TARBP1: variants seen among roughly 807,000 people sequenced by gnomAD.
TARBP1 encodes tRNA (guanosine(18)-2'-O)-methyltransferase TARBP1.
In TARBP1, 144 loss-of-function variants were observed where a neutral mutation model predicts 178.6. The observed-to-expected ratio is 0.81, with a 90% confidence interval of 0.70 to 0.93. The LOEUF is 0.93. Among genes scored for constraint, TARBP1 ranks in the 40% least tolerant of loss-of-function variants. TARBP1 has a pLI of 0.00. For synonymous variants in TARBP1, 787 were observed against 781.0 expected (o/e 1.01, Z -0.13); for missense variants, 2,067 against 2,011.7 (o/e 1.03, Z -0.53).
intron 23 of TARBP1, 121 bp from the exon 24 acceptor site, chr1:234,406,220 C>T (rs1661225545): frequency 1.1e-6 from 1 of 877,502 alleles, no homozygotes; most frequent in Non-Finnish European, 1.7e-6. Context: ...CTTCCACTGG[C>T]TTTGCTACCA....
chr1:234,461,764 C>A (rs72765619), intron 6 of TARBP1, among the ~76,000 whole-genome samples: 1 of 152,094 alleles, frequency 6.6e-6, no homozygotes, highest in South Asian at 2.1e-4. Context: ...GATTTAATTA[C>A]GATTATTTAT....
chr1:234,460,219 C>G, intron 7 of TARBP1, 42 bp downstream of exon 7: 2 of 1,562,356 alleles, frequency 1.3e-6, no homozygotes, highest in Non-Finnish European at 1.7e-6. Flanking sequence ...GATGGAAAGT[C>G]ATGGCAAATA....
chr1:234,449,419 T>G (rs1666514587), intron 10 of TARBP1, among the ~76,000 whole-genome samples: 1 of 152,188 alleles, frequency 6.6e-6, no homozygotes, highest in South Asian at 2.1e-4. Context: ...ATTCTAGTAT[T>G]TCAGCTGAGA....
intron 26 of TARBP1, among the ~76,000 whole-genome samples, chr1:234,394,146 A>G (rs930765132): frequency 2.6e-5 from 4 of 152,206 alleles, no homozygotes; most frequent in Admixed American, 2.0e-4. Context: ...TAGAATCCAG[A>G]GTATCATAGT....
chr1:234,478,376 TC>T lies in TARBP1; in HGVS notation c.727del (p.Glu243SerfsTer37). ...LSALAEKLLP[E>X]PGGDRARGAR... is the part of the protein sequence containing the mutation. ...GCCGCGGGCGCGGTCGCCGCCGGGC[TC>T]GGGCAACAGCTTCTCGGCCAGGGCG... On this transcript the variant is annotated frameshift_variant, in exon 1 of 30. Coordinates refer to ENST00000040877, the MANE Select transcript of TARBP1 (RefSeq NM_005646.4). LOFTEE classifies it high-confidence loss of function. 1 of 1,304,776 alleles carries T rather than the reference TC, an allele frequency of 7.7e-7. No homozygotes were observed. Among genetic ancestry groups the T allele is most frequent in the East Asian group, 3.5e-5 (1 of 28,734 alleles). 80.8% of individuals were successfully genotyped at this position (1,304,776 alleles called of 1,614,324 possible).
intron 21 of TARBP1, among the ~76,000 whole-genome samples, chr1:234,418,732 C>T (rs1265000954): frequency 2.0e-5 from 3 of 152,190 alleles, no homozygotes; most frequent in African/African-American, 7.2e-5. Flanking sequence ...CCACAACTAC[C>T]GCACTGTTCT....
Position 234,412,552 on chromosome 1 carries a change from C to A in TARBP1, c.3706-2021G>T, listed in dbSNP as rs577331519. 9.9e-5 allele frequency among the ~76,000 whole-genome samples: 15 copies of A among 152,106 alleles called. No individual in the cohort carries two copies. The South Asian group carries it at 3.1e-3, about 32-fold the overall frequency. ...GGTGTGGTGGCAGGTGCTTGTAGTC[C>A]CAGCTACTTAGAGGGCTGAGGCAGG... On this transcript the variant is annotated intron_variant, in intron 22 of 29. Coordinates refer to ENST00000040877, the MANE Select transcript of TARBP1 (RefSeq NM_005646.4).
chr1:234,477,851 G>A (rs1669710747), intron 1 of TARBP1, among the ~76,000 whole-genome samples: 1 of 152,162 alleles, frequency 6.6e-6, no homozygotes. Context: ...TTTCTATTGG[G>A]TTGAATCTAC....
rs1240871378 is a variant in TARBP1 at position 234,478,370 on chromosome 1, C to A, written c.734G>T (p.Gly245Val). 7.7e-7 allele frequency: 1 copy of A among 1,290,608 alleles called. No individual in the cohort carries two copies. The highest frequency in any genetic ancestry group is 9.8e-7 in the Non-Finnish European group (1 of 1,020,856). 79.9% of individuals were successfully genotyped at this position (1,290,608 alleles called of 1,614,324 possible). A position where few individuals can be genotyped will look rare whatever the true frequency, so the allele number is the denominator to read the frequency against. Residue 245 changes from glycine (G) to valine (V), a missense_variant, in exon 1 of 30, where the codon GGC (glycine) becomes GTC (valine). Transcript: ENST00000040877. Reference protein sequence around the residue: ...ALAEKLLPEPGGDRARGAREA... With the variant: ...ALAEKLLPEPVGDRARGAREA... ...GCGCGCGCCGCGGGCGCGGTCGCCG[C>A]CGGGCTCGGGCAACAGCTTCTCGGC...
rs1465066649 is a variant in TARBP1, at chr1:234,458,023, C to A, written c.1633-267G>T. 2.6e-5 allele frequency among the ~76,000 whole-genome samples: 4 copies of A among 151,332 alleles called. No individual in the cohort carries two copies. In the South Asian group the frequency reaches 6.2e-4, roughly 24 times the overall value. On this transcript the variant is annotated intron_variant, in intron 8 of 29. Transcript: ENST00000040877. ...CACAATCTTAAAAAAAAAAAAAACA[C>A]CATTCTATAAGAAGAAATTACTTTC...
At position 234,446,975 on chromosome 1, in the gene TARBP1, G is replaced by A. The variant is rs779590203; in HGVS notation, c.1962C>T (p.Ser654=). 6.8e-6 allele frequency: 11 copies of A among 1,611,894 alleles called. No individual in the cohort carries two copies. Among genetic ancestry groups the A allele is most frequent in the Admixed American group, 1.7e-5 (1 of 59,702 alleles). The change falls in exon 12 of 30, where the codon AGC becomes AGT. Residue 654 remains serine, a splice_region_variant and synonymous_variant. Transcript: ENST00000040877. ...VDVEGMKTQY[S]GKQRTENVLR... is the part of the protein sequence containing the mutation. The stretch of plus-strand genomic sequence containing the variant: ...ATACATTCTCTGTTCTCTGCTTTCC[G>A]CTAGACATTAAAAGACATGCCAAAA...
intron 6 of TARBP1, among the ~76,000 whole-genome samples, chr1:234,463,409 C>T (rs181886184): frequency 1.3e-5 from 2 of 152,334 alleles, no homozygotes; most frequent in Non-Finnish European, 2.9e-5. Context: ...CAGGCGGGAG[C>T]CATTGCACCT....
chr1:234,393,026 T>C (rs1472799888), intron 28 of TARBP1, among the ~76,000 whole-genome samples: 1 of 152,174 alleles, frequency 6.6e-6, no homozygotes, highest in Non-Finnish European at 1.5e-5. Context: ...GCCACCATGA[T>C]ATAAATTTCT....
intron 19 of TARBP1, 35 bp from the exon 20 acceptor site, chr1:234,425,828 T>C: frequency 6.9e-7 from 1 of 1,449,262 alleles, no homozygotes; most frequent in Non-Finnish European, 9.4e-7. Flanking sequence ...TGTTAATACA[T>C]TTTGAAAACA....
rs1669840789 is a variant in TARBP1, at chr1:234,478,786, C to A, written c.318G>T (p.Ser106=). The change falls in exon 1 of 30, where the codon TCG becomes TCT. Residue 106 remains serine (S), a synonymous_variant. Transcript: ENST00000040877. ...GCGGACGCCCGGCCAGGCGGACGCA[C>A]GAGCGCAGGGCCGCGCCCGCCGCCC... The part of the protein sequence containing the change: ...VLRAAGAALR[S]CVRLAGRPQL... 8.9e-7 allele frequency: 1 copy of A among 1,127,242 alleles called. No individual in the cohort carries two copies. Among genetic ancestry groups the A allele is most frequent in the South Asian group, 4.0e-5 (1 of 25,072 alleles). The allele number at this position is 1,127,242 out of a possible 1,614,324, so 69.8% of individuals were successfully genotyped here. A position where few individuals can be genotyped will look rare whatever the true frequency, so the allele number is the denominator to read the frequency against.
chr1:234,440,552 C>T (rs887971030), intron 12 of TARBP1, among the ~76,000 whole-genome samples: 12 of 151,976 alleles, frequency 7.9e-5, no homozygotes, highest in East Asian at 1.9e-4. Context: ...ACTACAGACC[C>T]GACAGGCATT....
At chr1:234,469,303 A>G (rs1187560844) in intron 3 of TARBP1, among the ~76,000 whole-genome samples, 2 of 151,994 alleles carry the variant, frequency 1.3e-5, no homozygotes, top group East Asian at 3.9e-4. Context: ...TCTATAAATA[A>G]ATTAATCCAT....
chr1:234,391,627 A>AG lies in TARBP1; in HGVS notation c.4815dup (p.Trp1606LeufsTer22). 1 of 1,613,658 alleles carries AG rather than the reference A, an allele frequency of 6.2e-7. No homozygotes were observed. Among genetic ancestry groups the AG allele is most frequent in the Non-Finnish European group, 8.5e-7 (1 of 1,180,000 alleles). Reference sequence around the variant, plus strand: ...AGCAGCTGCTGCCTGGTGTACTCCCAGATCAGCAGGGCTCCACTCACATGG... The same window carrying AG: ...AGCAGCTGCTGCCTGGTGTACTCCCAGGATCAGCAGGGCTCCACTCACATGG... On this transcript the variant is annotated frameshift_variant, in exon 30 of 30. Coordinates refer to ENST00000040877, the MANE Select transcript of TARBP1 (RefSeq NM_005646.4). LOFTEE classifies it low-confidence loss of function (END_TRUNC).
chr1:234,437,914 C>T (rs1456654311), intron 12 of TARBP1, among the ~76,000 whole-genome samples: 1 of 152,170 alleles, frequency 6.6e-6, no homozygotes, highest in Non-Finnish European at 1.5e-5. Context: ...TTTATGAACT[C>T]CTGGGCTCAC....
Sources: allele counts gnomAD v4.1 joint callset (sites outside exome capture counted in the v4.1 genomes callset), GRCh38; gene constraint gnomAD v4.1.1; transcripts MANE v1.5; gene names NCBI Gene and HGNC (gene_info 2026-07-23, HGNC 2026-07-21).